The following AJAP1 variants were observed in gnomAD, a reference collection of about 807,000 sequenced individuals.
The protein encoded by AJAP1 is adherens junction-associated protein 1.
In AJAP1, 5 loss-of-function variants were observed where a neutral mutation model predicts 35.0. That is an observed-to-expected ratio of 0.14 (90% CI 0.07 to 0.30). The LOEUF (loss-of-function observed/expected upper bound fraction) is 0.30, where lower values mean the gene tolerates loss of function less well. Among genes scored for constraint, AJAP1 ranks in the 10% least tolerant of loss-of-function variants. AJAP1 has a pLI of 1.00. For missense variants in AJAP1, 586 were observed against 571.0 expected, an observed-to-expected ratio of 1.03 and a Z score of -0.27; for synonymous variants, 284 against 249.3, an observed-to-expected ratio of 1.14 and a Z score of -1.31.
Position 4,783,635 on chromosome 1 carries a change from C to G in AJAP1, c.*1150C>G, listed in dbSNP as rs1642113453. The G allele has an allele frequency of 6.7e-6, 1 of 149,148 alleles. No homozygotes were observed. Among genetic ancestry groups the G allele is most frequent in the Non-Finnish European group, 1.5e-5 (1 of 67,556 alleles). 9.2% of individuals were successfully genotyped at this position (149,148 alleles called of 1,614,324 possible). The stretch of plus-strand genomic sequence containing the variant: ...TTCATTTAAGTGTTGGAAGATGCTA[C>G]CTAACAGCCACGTTCACATTTACGT... On this transcript the variant is annotated 3_prime_UTR_variant, in exon 6 of 6. Transcript: ENST00000378191.
chr1:4,678,504 C>T (rs866054250), intron 1 of AJAP1, among the ~76,000 whole-genome samples: 5 of 152,318 alleles, frequency 3.3e-5, no homozygotes, highest in African/African-American at 1.2e-4. Context: ...CATGCATTTC[C>T]TTGAAGGCTG....
rs542990164 is a variant in AJAP1, at chr1:4,696,136, G to A, written c.30-15764G>A. 1.1e-4 allele frequency among the ~76,000 whole-genome samples: 16 copies of A among 152,100 alleles called. No homozygotes were observed. The South Asian group carries it at 3.1e-3, about 30-fold the overall frequency. The stretch of plus-strand genomic sequence containing the variant: ...TAAAAAGCCAACCAGAACTTGAGAC[G>A]CAGGGGTTTTGGGTTGAGGGGGGGA... On this transcript the variant is annotated intron_variant, in intron 1 of 5. Coordinates refer to ENST00000378191, the MANE Select transcript of AJAP1 (RefSeq NM_018836.4).
At chr1:4,710,143 A>G (rs1446032746) in intron 1 of AJAP1, among the ~76,000 whole-genome samples, 1 of 143,712 alleles carries the variant, frequency 7.0e-6, no homozygotes, top group Non-Finnish European at 1.5e-5. Flanking sequence ...TGCACACACA[A>G]ATACACACAC....
At chr1:4,754,262 A>G (rs980293570) in intron 2 of AJAP1, among the ~76,000 whole-genome samples, 4 of 152,162 alleles carry the variant, frequency 2.6e-5, no homozygotes, top group African/African-American at 7.2e-5. Flanking sequence ...TAGCACACTC[A>G]TTTGTTTACA....
At chr1:4,778,111 G>A (rs1029877236) in intron 5 of AJAP1, among the ~76,000 whole-genome samples, 8 of 152,188 alleles carry the variant, frequency 5.3e-5, no homozygotes, top group East Asian at 1.9e-4. Context: ...GCGCCACTGC[G>A]TAGCATGCAG....
chr1:4,715,699 A>G (rs1487786582), intron 2 of AJAP1, among the ~76,000 whole-genome samples: 1 of 152,220 alleles, frequency 6.6e-6, no homozygotes, highest in Non-Finnish European at 1.5e-5. Flanking sequence ...AAAAAAAGAA[A>G]TATTTTTCCT....
chr1:4,722,944 A>C (rs996765367), intron 2 of AJAP1, among the ~76,000 whole-genome samples: 1 of 151,930 alleles, frequency 6.6e-6, no homozygotes, highest in Admixed American at 6.6e-5. Context: ...GTTTATTCTG[A>C]GTATGCTGGG....
intron 1 of AJAP1, among the ~76,000 whole-genome samples, chr1:4,703,841 A>G (rs935361345): frequency 1.3e-5 from 2 of 152,188 alleles, no homozygotes; most frequent in Admixed American, 6.5e-5. Flanking sequence ...AGGAGAAGAT[A>G]CATCTGAATG....
intron 2 of AJAP1, among the ~76,000 whole-genome samples, chr1:4,745,188 G>C (rs1225099840): frequency 1.3e-5 from 2 of 152,324 alleles, no homozygotes; most frequent in Non-Finnish European, 2.9e-5. Flanking sequence ...ATGGACGTCA[G>C]AGACACCCTC....
rs1640252118 is a variant in AJAP1 at position 4,711,933 on chromosome 1, C to T, written c.63C>T (p.Leu21=). 3 of 1,536,692 alleles carry T rather than the reference C, an allele frequency of 2.0e-6. 1 individual carries two copies. The highest frequency in any genetic ancestry group is 2.5e-5 in the South Asian group (2 of 79,690). The part of the protein sequence containing the change: ...SMSIRWPGRP[L]GSHAWILIAM... ...CCATCCGCTGGCCGGGCCGCCCCCT[C>T]GGAAGCCATGCCTGGATACTGATAG... Residue 21 remains leucine (L), a synonymous_variant, in exon 2 of 6, where the codon CTC becomes CTT. Coordinates refer to ENST00000378191, the MANE Select transcript of AJAP1 (RefSeq NM_018836.4).
chr1:4,781,749 G>A (rs71640950), intron 5 of AJAP1, among the ~76,000 whole-genome samples: 17,805 of 152,224 alleles, frequency 0.12, 1,371 homozygotes, highest in East Asian at 0.37. Context: ...AGATGGGACC[G>A]TGACGTGTTC....
rs182852317 is a variant in AJAP1, at chr1:4,704,362, G to A, written c.30-7538G>A. The stretch of plus-strand genomic sequence containing the variant: ...GTGATGTTCCCCTTCCTGTGTCCAT[G>A]TGTTCTCATTGTTCAATTCCCACCT... On this transcript the variant is annotated intron_variant, in intron 1 of 5. Coordinates refer to ENST00000378191, the MANE Select transcript of AJAP1 (RefSeq NM_018836.4). Among the ~76,000 whole-genome samples the A allele has an allele frequency of 7.6e-3, 1,046 of 138,470 alleles. 9 individuals carry two copies. Among genetic ancestry groups the A allele is most frequent in the South Asian group, 0.024 (106 of 4,428 alleles). The allele number at this position is 138,470 out of a possible 152,430, so 90.8% of individuals were successfully genotyped here. A position where few individuals can be genotyped will look rare whatever the true frequency, so the allele number is the denominator to read the frequency against.
intron 1 of AJAP1, among the ~76,000 whole-genome samples, chr1:4,665,732 C>G (rs1245580653): frequency 1.3e-5 from 2 of 152,204 alleles, no homozygotes; most frequent in African/African-American, 4.8e-5. Context: ...CATCCAGACA[C>G]TTTCATGCAG....
At chr1:4,674,311 A>G (rs1245275335) in intron 1 of AJAP1, among the ~76,000 whole-genome samples, 1 of 152,200 alleles carries the variant, frequency 6.6e-6, no homozygotes, top group Non-Finnish European at 1.5e-5. Context: ...TTTTATTGGC[A>G]TCACAGCCCA....
chr1:4,742,773 C>A (rs1641099517), intron 2 of AJAP1, among the ~76,000 whole-genome samples: 1 of 152,134 alleles, frequency 6.6e-6, no homozygotes, highest in Non-Finnish European at 1.5e-5. Flanking sequence ...CACCCTAGCC[C>A]AGGTAGAAAA....
intron 1 of AJAP1, among the ~76,000 whole-genome samples, chr1:4,696,155 G>C (rs7518359): frequency 0.075 from 11,333 of 150,294 alleles, 456 homozygotes; most frequent in Admixed American, 0.1. Flanking sequence ...TTGGGTTGAG[G>C]GGGGGAGCAG....
At chr1:4,773,621 C>G (rs933903419) in intron 4 of AJAP1, among the ~76,000 whole-genome samples, 2 of 152,234 alleles carry the variant, frequency 1.3e-5, no homozygotes, top group African/African-American at 4.8e-5. Flanking sequence ...TGGTTTTACA[C>G]TCAGACATTT....
At chr1:4,741,277 T>C (rs952938143) in intron 2 of AJAP1, among the ~76,000 whole-genome samples, 1 of 152,182 alleles carries the variant, frequency 6.6e-6, no homozygotes, top group African/African-American at 2.4e-5. Context: ...TAGAAAGGCA[T>C]CCTCTCACAG....
intron 5 of AJAP1, among the ~76,000 whole-genome samples, chr1:4,781,709 C>T (rs535397528): frequency 1.1e-3 from 160 of 152,340 alleles, no homozygotes; most frequent in Middle Eastern, 3.4e-3. Flanking sequence ...ATCCCTGTGA[C>T]GGAGATGCAG....
Sources: gnomAD v4.1 joint callset for allele counts (sites outside exome capture counted in the v4.1 genomes callset) on GRCh38, gnomAD v4.1.1 for gene constraint, MANE v1.5 for transcripts, NCBI Gene and HGNC (gene_info 2026-07-23, HGNC 2026-07-21) for gene names.